Variants in GALNT16 observed in about 807,000 individuals in gnomAD.
GALNT16 encodes the protein polypeptide N-acetylgalactosaminyltransferase 16.
GALNT16 carries 40 observed loss-of-function variants against 76.1 expected under a neutral mutation model. The ratio of observed to expected loss-of-function variants is 0.53; its 90% CI spans 0.41 to 0.68. The LOEUF (loss-of-function observed/expected upper bound fraction) is 0.68, where lower values mean the gene tolerates loss of function less well. GALNT16 is among the 30% of genes least tolerant of loss of function. GALNT16 has a pLI of 0.00. For missense variants in GALNT16, 621 were observed against 731.9 expected (o/e 0.85, Z 1.75); for synonymous variants, 276 against 285.2 (o/e 0.97, Z 0.32).
chr14:69,336,004 A>G (rs1178333244), intron 9 of GALNT16, among the ~76,000 whole-genome samples: 2 of 152,076 alleles, frequency 1.3e-5, no homozygotes, highest in Admixed American at 6.5e-5. Flanking sequence ...AGGAAAACCC[A>G]AACTCCTTAC....
Position 69,326,141 on chromosome 14 carries a change from C to T in GALNT16, c.568+114C>T, listed in dbSNP as rs1172110557. 3.7e-6 allele frequency: 3 copies of T among 806,614 alleles called. No individual in the cohort carries two copies. The Admixed American group carries it at 5.7e-5, about 15-fold the overall frequency. 50.0% of individuals were successfully genotyped at this position (806,614 alleles called of 1,614,324 possible). A position where few individuals can be genotyped will look rare whatever the true frequency, so the allele number is the denominator to read the frequency against. ...CAAGCCAACATGGTCCTGCTGCATTCCTGATGGCTGAGACCAGGTTCTGCA... is the reference window on the plus strand; with the variant it reads ...CAAGCCAACATGGTCCTGCTGCATTTCTGATGGCTGAGACCAGGTTCTGCA... On this transcript the variant is annotated intron_variant, in intron 5 of 14. Transcript: ENST00000448469.
chr14:69,307,295 T>C (rs1054017557), intron 1 of GALNT16, among the ~76,000 whole-genome samples: 2 of 152,226 alleles, frequency 1.3e-5, no homozygotes, highest in Non-Finnish European at 2.9e-5. Context: ...GAGCAGCTAC[T>C]GTGTGCCAAG....
chr14:69,325,842 C>T (rs35024400), intron 4 of GALNT16, 120 bp from the exon 5 acceptor site: 1 of 766,938 alleles, frequency 1.3e-6, no homozygotes, highest in South Asian at 1.5e-5. Context: ...CATACCTCTT[C>T]CCAATCCCCA....
chr14:69,333,001 G>A lies in GALNT16; in HGVS notation c.779-84G>A, dbSNP rs2045373474. ...AGAGCCCAGGGCTCTGATCAGGGGA[G>A]ACTCCGAGGGGTGGTGGAGTGAAGG... On this transcript the variant is annotated intron_variant, in intron 7 of 14. Transcript: ENST00000448469. The surrounding 1 kb of genome is among the most constrained non-coding windows in gnomAD (Gnocchi z 4.2). 3.3e-6 allele frequency: 3 copies of A among 921,206 alleles called. No homozygotes were observed. The South Asian group carries it at 3.9e-5, about 12-fold the overall frequency. 57.1% of individuals were successfully genotyped at this position (921,206 alleles called of 1,614,324 possible). A position where few individuals can be genotyped will look rare whatever the true frequency, so the allele number is the denominator to read the frequency against.
intron 14 of GALNT16, 109 bp from the exon 15 acceptor site, chr14:69,351,922 C>G: frequency 9.8e-7 from 1 of 1,020,968 alleles, no homozygotes; most frequent in Non-Finnish European, 1.5e-6. Flanking sequence ...GGGATGTGTC[C>G]TAGTTATATA....
chr14:69,277,189 A>G (rs898765356), intron 1 of GALNT16, among the ~76,000 whole-genome samples: 1 of 152,244 alleles, frequency 6.6e-6, no homozygotes, highest in Non-Finnish European at 1.5e-5. Flanking sequence ...AAGGTATGAG[A>G]TCAAAGACAA....
intron 1 of GALNT16, among the ~76,000 whole-genome samples, chr14:69,281,043 C>T (rs983089310): frequency 1.3e-5 from 2 of 152,036 alleles, no homozygotes; most frequent in African/African-American, 4.8e-5. Flanking sequence ...GAGACCAGGG[C>T]AGCAGCTGCT....
intron 2 of GALNT16, among the ~76,000 whole-genome samples, chr14:69,323,608 T>C (rs2045235067): frequency 6.6e-6 from 1 of 152,182 alleles, no homozygotes; most frequent in Admixed American, 6.5e-5. Context: ...CCACAATTCA[T>C]AGGCCCTTGA....
At chr14:69,338,837 G>C (rs2140187946) in intron 10 of GALNT16, 60 bp downstream of exon 10, 4 of 1,411,412 alleles carry the variant, frequency 2.8e-6, no homozygotes, top group South Asian at 2.5e-5. Flanking sequence ...CAAGCCCCCA[G>C]CCTTGCCAGT....
At chr14:69,347,794 G>A (rs1343971899) in intron 13 of GALNT16, 83 bp from the exon 14 acceptor site, 2 of 1,446,596 alleles carry the variant, frequency 1.4e-6, no homozygotes, top group East Asian at 4.6e-5. Flanking sequence ...AATATGCCGT[G>A]TTTTTGCTTT....
At chr14:69,373,218 C>G in the GALNT16 span, among the ~76,000 whole-genome samples, 2 of 152,208 alleles carry the variant, frequency 1.3e-5, no homozygotes, top group East Asian at 3.8e-4. Context: ...AGAGTAGGTA[C>G]TCCACAACAA....
At chr14:69,262,477 C>T (rs1284101509) in intron 1 of GALNT16, among the ~76,000 whole-genome samples, 3 of 152,310 alleles carry the variant, frequency 2.0e-5, no homozygotes, top group South Asian at 2.1e-4. Context: ...CTTGTCCCTG[C>T]TTATTCCCAC....
chr14:69,363,205 T>A, the GALNT16 span, among the ~76,000 whole-genome samples: 21,665 of 152,130 alleles, frequency 0.14, 1,634 homozygotes, highest in East Asian at 0.18. Context: ...CAGTGCCCTC[T>A]GCTTGTGGGG....
At chr14:69,382,794 GAA>G in the GALNT16 span, among the ~76,000 whole-genome samples, 2 of 120,072 alleles carry the variant, frequency 1.7e-5, no homozygotes. Context: ...ATCTCCAAAA[GAA>G]AAAAAAAAAA....
chr14:69,309,821 T>C (rs2044990400), intron 1 of GALNT16, among the ~76,000 whole-genome samples: 1 of 152,238 alleles, frequency 6.6e-6, no homozygotes. Context: ...AGTCTTTGTA[T>C]AGTGTTTTCT....
rs1594874230 is a variant in GALNT16 at position 69,353,589 on chromosome 14, A to C, written c.*1421A>C. The C allele has an allele frequency of 1.3e-5, 2 of 152,056 alleles. No individual in the cohort carries two copies. Among genetic ancestry groups the C allele is most frequent in the Non-Finnish European group, 2.9e-5 (2 of 68,040 alleles). 9.4% of individuals were successfully genotyped at this position (152,056 alleles called of 1,614,324 possible). A position where few individuals can be genotyped will look rare whatever the true frequency, so the allele number is the denominator to read the frequency against. On this transcript the variant is annotated 3_prime_UTR_variant, in exon 15 of 15. Transcript: ENST00000448469. Reference sequence around the variant, plus strand: ...AAGCAGACCAGCCTGGGGCAGATATACCTACCACAGGAGCCCCCTGTCTTT... The same window carrying C: ...AAGCAGACCAGCCTGGGGCAGATATCCCTACCACAGGAGCCCCCTGTCTTT...
At chr14:69,377,689 T>C in the GALNT16 span, among the ~76,000 whole-genome samples, 1 of 150,886 alleles carries the variant, frequency 6.6e-6, no homozygotes. Flanking sequence ...TGTGCACCTG[T>C]AATCCCAGCT....
At chr14:69,342,474 A>AGGGAGGAAGGC (rs2045501560) in intron 12 of GALNT16, among the ~76,000 whole-genome samples, 2 of 31,490 alleles carry the variant, frequency 6.4e-5, no homozygotes, top group African/African-American at 2.4e-4. Context: ...AGAAGGAAGG[A>AGGGAGGAAGGC]AGGGAGGGAG....
intron 1 of GALNT16, among the ~76,000 whole-genome samples, chr14:69,288,256 A>C (rs1339950236): frequency 6.6e-6 from 1 of 152,192 alleles, no homozygotes; most frequent in African/African-American, 2.4e-5. Context: ...GCTGGAATCC[A>C]GGCCTCCTGG....
Sources: allele counts gnomAD v4.1 joint callset (sites outside exome capture counted in the v4.1 genomes callset), GRCh38; gene constraint gnomAD v4.1.1; non-coding constraint Gnocchi (gnomAD v3.1); transcripts MANE v1.5; gene names NCBI Gene and HGNC (gene_info 2026-07-23, HGNC 2026-07-21).